DPH6: variants seen among roughly 807,000 people sequenced by gnomAD.
DPH6 encodes diphthamine biosynthesis 6, also known as diphthine--ammonia ligase.
Under a neutral mutation model 38.2 loss-of-function variants are expected in DPH6, and 33 were observed. That is an observed-to-expected ratio of 0.86 (90% CI 0.65 to 1.15). The LOEUF is 1.15. DPH6 is among the 50% of genes most tolerant of loss of function. DPH6 has a pLI of 0.00. For synonymous variants in DPH6, 108 were observed against 103.0 expected, an observed-to-expected ratio of 1.05 and a Z score of -0.30; for missense variants, 325 against 320.0, an observed-to-expected ratio of 1.02 and a Z score of -0.12.
chr15:35,388,214 C>G (rs1407593108), intron 6 of DPH6, among the ~76,000 whole-genome samples: 1 of 152,126 alleles, frequency 6.6e-6, no homozygotes, highest in East Asian at 1.9e-4. Context: ...GGTGAATAAG[C>G]TTTTTGATGT....
At chr15:35,356,304 A>C (rs1276891393) in intron 3 of DPH6, among the ~76,000 whole-genome samples, 1 of 152,192 alleles carries the variant, frequency 6.6e-6, no homozygotes, top group Non-Finnish European at 1.5e-5. Flanking sequence ...TTCTCTGTCC[A>C]GCTTTGTTCT....
chr15:35,484,398 G>A (rs1028039667), intron 3 of DPH6, among the ~76,000 whole-genome samples: 1 of 152,198 alleles, frequency 6.6e-6, no homozygotes, highest in Non-Finnish European at 1.5e-5. Flanking sequence ...TCATGAAGTT[G>A]CAGTCATGCT....
chr15:35,282,668 G>A (rs903961757), intron 3 of DPH6: 3 of 418,718 alleles, frequency 7.2e-6, no homozygotes, highest in African/African-American at 6.1e-5. Flanking sequence ...ATTTCATAAT[G>A]ATAAAACCCA....
intron 6 of DPH6, among the ~76,000 whole-genome samples, chr15:35,407,211 C>T (rs1411034853): frequency 6.6e-6 from 1 of 151,812 alleles, no homozygotes; most frequent in Admixed American, 6.6e-5. Context: ...TTTCTGGTCC[C>T]TCGGAGCGGA....
At chr15:35,373,416 A>C in intron 8 of DPH6, 105 bp downstream of exon 8, 1 of 975,438 alleles carries the variant, frequency 1.0e-6, no homozygotes, top group Non-Finnish European at 1.4e-6. Flanking sequence ...GATAAAAATC[A>C]ATTTTCTTTT....
At position 35,357,181 on chromosome 15, in the gene DPH6, C is replaced by G. The variant is rs183355531; in HGVS notation, n.207+16340G>C. Among the ~76,000 whole-genome samples, 186 of 152,328 alleles carry G rather than the reference C, an allele frequency of 1.2e-3. 1 individual carries two copies. Among genetic ancestry groups the G allele is most frequent in the African/African-American group, 4.4e-3 (184 of 41,574 alleles). Reference sequence around the variant, plus strand: ...ACCCAATTTTCTAGGTCCCGTCTATCACCGCTTTCTTTGACTAGCAAAGGG... The same window carrying G: ...ACCCAATTTTCTAGGTCCCGTCTATGACCGCTTTCTTTGACTAGCAAAGGG... On this transcript the variant is annotated intron_variant and non_coding_transcript_variant, in intron 3 of 3. Coordinates refer to the DPH6 transcript ENST00000558973.
At chr15:35,148,475 G>A in the DPH6 span, among the ~76,000 whole-genome samples, 17 of 152,116 alleles carry the variant, frequency 1.1e-4, no homozygotes, top group South Asian at 2.3e-3. Flanking sequence ...CTAATAATCC[G>A]GTATAATTAT....
At chr15:35,263,566 C>T (rs1436557780) in intron 3 of DPH6, among the ~76,000 whole-genome samples, 1 of 151,674 alleles carries the variant, frequency 6.6e-6, no homozygotes, top group Non-Finnish European at 1.5e-5. Flanking sequence ...CGTCACTTGT[C>T]TAACTTTTTA....
chr15:35,195,724 A>C, the DPH6 span, among the ~76,000 whole-genome samples: 3 of 152,214 alleles, frequency 2.0e-5, no homozygotes, highest in East Asian at 3.9e-4. Flanking sequence ...CCCAAGACCC[A>C]TCCGTGTAGC....
At chr15:35,301,239 G>C (rs1214998805) in intron 3 of DPH6, among the ~76,000 whole-genome samples, 1 of 152,128 alleles carries the variant, frequency 6.6e-6, no homozygotes, top group Non-Finnish European at 1.5e-5. Context: ...ATCCAAGCCA[G>C]GACACTTATG....
At chr15:35,353,171 A>G (rs1003797839) in intron 3 of DPH6, among the ~76,000 whole-genome samples, 9 of 152,148 alleles carry the variant, frequency 5.9e-5, no homozygotes, top group African/African-American at 1.7e-4. Flanking sequence ...TGTAGATTCT[A>G]GATATTAGCC....
At chr15:35,416,395 T>C (rs549758166) in intron 5 of DPH6, among the ~76,000 whole-genome samples, 2 of 152,112 alleles carry the variant, frequency 1.3e-5, no homozygotes, top group East Asian at 3.9e-4. Context: ...GTGATTTAGG[T>C]AGGTTTTTTT....
chr15:35,441,465 G>C (rs903875806), intron 5 of DPH6, among the ~76,000 whole-genome samples: 3 of 152,208 alleles, frequency 2.0e-5, no homozygotes, highest in African/African-American at 7.2e-5. Context: ...ATACAGCATG[G>C]AGTACTATGC....
At chr15:35,224,100 GTTT>G (rs142813866) in intron 3 of DPH6, among the ~76,000 whole-genome samples, 1 of 88,890 alleles carries the variant, frequency 1.1e-5, no homozygotes, top group Non-Finnish European at 2.2e-5. Flanking sequence ...CATGATTTTA[GTTT>G]TTTTTTTTTT....
intron 8 of DPH6, 100 bp from the exon 9 acceptor site, chr15:35,372,303 CT>C (rs2052723629): frequency 1.0e-6 from 1 of 1,002,850 alleles, no homozygotes; most frequent in African/African-American, 1.7e-5. Flanking sequence ...ATCTGAAATA[CT>C]GTTATCTTCG....
At chr15:35,492,232 G>C (rs1478673279) in intron 3 of DPH6, among the ~76,000 whole-genome samples, 2 of 152,104 alleles carry the variant, frequency 1.3e-5, no homozygotes, top group Admixed American at 6.6e-5. Flanking sequence ...ACATTGCGGG[G>C]AGGGCAATGT....
At chr15:35,507,323 T>C (rs967649318) in intron 3 of DPH6, among the ~76,000 whole-genome samples, 3 of 152,034 alleles carry the variant, frequency 2.0e-5, no homozygotes, top group African/African-American at 7.2e-5. Flanking sequence ...AAAATTTTAT[T>C]TCTCTCACAA....
intron 3 of DPH6, chr15:35,298,133 C>T (rs2052027784): frequency 5.5e-6 from 2 of 365,076 alleles, no homozygotes; most frequent in East Asian, 6.6e-5. Context: ...TTACAAGTCC[C>T]TCCAAGAGTC....
the DPH6 span, among the ~76,000 whole-genome samples, chr15:35,195,039 C>G: frequency 3.3e-5 from 5 of 152,120 alleles, no homozygotes; most frequent in East Asian, 9.7e-4. Context: ...TTATTTGTAC[C>G]CATTAATTAA....
Sources: allele counts gnomAD v4.1 joint callset (sites outside exome capture counted in the v4.1 genomes callset), GRCh38; gene constraint gnomAD v4.1.1; transcripts MANE v1.5; gene names NCBI Gene and HGNC (gene_info 2026-07-23, HGNC 2026-07-21).